BCAR3: variants seen among roughly 807,000 people sequenced by gnomAD.
The protein encoded by BCAR3 is breast cancer anti-estrogen resistance protein 3.
BCAR3 carries 37 observed loss-of-function variants against 80.1 expected under a neutral mutation model. The observed-to-expected ratio is 0.46, with a 90% CI of 0.36 to 0.61. BCAR3 has a LOEUF of 0.61. BCAR3 is among the 20% of genes least tolerant of loss of function. The probability of loss-of-function intolerance (pLI) is 0.00; values close to 1 mark genes in which losing one functional copy is unlikely to be tolerated. For missense variants in BCAR3, 978 were observed against 1,068.2 expected, an observed-to-expected ratio of 0.92 and a Z score of 1.18; for synonymous variants, 389 against 418.9, an observed-to-expected ratio of 0.93 and a Z score of 0.87.
intron 2 of BCAR3, among the ~76,000 whole-genome samples, chr1:93,782,345 G>C (rs902032239): frequency 2.0e-5 from 3 of 152,198 alleles, no homozygotes; most frequent in Non-Finnish European, 2.9e-5. Context: ...TAGCCCTAGA[G>C]GAGAATACCC....
intron 3 of BCAR3, among the ~76,000 whole-genome samples, chr1:93,696,422 A>G (rs947710973): frequency 1.3e-5 from 2 of 151,812 alleles, no homozygotes; most frequent in African/African-American, 4.8e-5. Flanking sequence ...CACACAGCCA[A>G]TCTCTCACCA....
chr1:93,744,452 G>T (rs146830207), intron 2 of BCAR3, among the ~76,000 whole-genome samples: 1 of 152,300 alleles, frequency 6.6e-6, no homozygotes, highest in African/African-American at 2.4e-5. Context: ...CAACAAATGA[G>T]TACAAGAGAG....
At position 93,699,029 on chromosome 1, in the gene BCAR3, G is replaced by A. The variant is rs147637486; in HGVS notation, c.-12+7063C>T. 7.3e-4 allele frequency among the ~76,000 whole-genome samples: 111 copies of A among 152,290 alleles called. No homozygotes were observed. In the South Asian group the frequency reaches 9.1e-3, roughly 13 times the overall value. ...GGCATAGACAGGGAGGGGATGCAGC[G>A]CAGGGGACCTAGCTTTTCTGAACCC... On this transcript the variant is annotated intron_variant, in intron 3 of 13. Coordinates refer to the BCAR3 transcript ENST00000370244.
At chr1:93,734,836 C>T (rs75736484) in intron 2 of BCAR3, among the ~76,000 whole-genome samples, 1,615 of 152,202 alleles carry the variant, frequency 0.011, 32 homozygotes, top group African/African-American at 0.037. Flanking sequence ...GCTTTCTGTG[C>T]GAAACGCTTT....
At chr1:93,730,793 C>G (rs58410484) in intron 2 of BCAR3, among the ~76,000 whole-genome samples, 6 of 152,128 alleles carry the variant, frequency 3.9e-5, no homozygotes, top group Admixed American at 3.9e-4. Flanking sequence ...CTCCCTCATC[C>G]GGAAGGTGGA....
chr1:93,580,824 T>C (rs907310873), intron 7 of BCAR3, among the ~76,000 whole-genome samples: 3 of 152,180 alleles, frequency 2.0e-5, no homozygotes, highest in African/African-American at 4.8e-5. Context: ...GGACCACCTA[T>C]GAACAAAAGT....
chr1:93,736,788 G>A (rs1407920894), intron 2 of BCAR3, among the ~76,000 whole-genome samples: 1 of 152,152 alleles, frequency 6.6e-6, no homozygotes, highest in Non-Finnish European at 1.5e-5. Flanking sequence ...GGAAAAGTAG[G>A]CAAAATGAGC....
intron 2 of BCAR3, among the ~76,000 whole-genome samples, chr1:93,728,547 A>T (rs181143711): frequency 6.6e-6 from 1 of 152,126 alleles, no homozygotes; most frequent in Non-Finnish European, 1.5e-5. Context: ...AATGAGTGCA[A>T]GGTTTTATTG....
At chr1:93,730,578 C>T (rs1437624132) in intron 2 of BCAR3, among the ~76,000 whole-genome samples, 1 of 152,192 alleles carries the variant, frequency 6.6e-6, no homozygotes, top group Non-Finnish European at 1.5e-5. Flanking sequence ...ATATCCAAAT[C>T]GCTTTCCCTC....
intron 3 of BCAR3, among the ~76,000 whole-genome samples, chr1:93,625,159 CA>C (rs1675420335): frequency 6.6e-6 from 1 of 152,142 alleles, no homozygotes; most frequent in African/African-American, 2.4e-5. Flanking sequence ...TGCAATGAGC[CA>C]AGATTGCACC....
intron 3 of BCAR3, among the ~76,000 whole-genome samples, chr1:93,640,022 C>T (rs1675929324): frequency 6.6e-6 from 1 of 152,078 alleles, no homozygotes; most frequent in Non-Finnish European, 1.5e-5. Context: ...CAACATAATT[C>T]ACATAGAACT....
At chr1:93,760,355 G>A (rs1651893108) in intron 2 of BCAR3, among the ~76,000 whole-genome samples, 1 of 152,064 alleles carries the variant, frequency 6.6e-6, no homozygotes, top group South Asian at 2.1e-4. Flanking sequence ...CAGCTTATAA[G>A]GCGATAAAGG....
intron 1 of BCAR3, among the ~76,000 whole-genome samples, chr1:93,846,094 T>C (rs1655165903): frequency 6.6e-6 from 1 of 152,140 alleles, no homozygotes; most frequent in Non-Finnish European, 1.5e-5. Context: ...TTCTTTATAT[T>C]ATAAAGGGGA....
chr1:93,705,508 T>C (rs1286526252), intron 3 of BCAR3, among the ~76,000 whole-genome samples: 1 of 152,164 alleles, frequency 6.6e-6, no homozygotes, highest in Non-Finnish European at 1.5e-5. Context: ...ATGCCAATTG[T>C]TTGTTTAGAA....
intron 2 of BCAR3, among the ~76,000 whole-genome samples, chr1:93,831,868 T>C (rs1465958584): frequency 6.6e-6 from 1 of 152,214 alleles, no homozygotes. Flanking sequence ...AAGAGGTGGC[T>C]GGAGCTGAAG....
intron 3 of BCAR3, among the ~76,000 whole-genome samples, chr1:93,701,515 T>C (rs916095631): frequency 2.0e-5 from 3 of 152,196 alleles, no homozygotes; most frequent in East Asian, 1.9e-4. Flanking sequence ...CATATTATTA[T>C]TTTGAAAAAG....
At chr1:93,686,111 G>A (rs983185192), upstream of BCAR3, among the ~76,000 whole-genome samples, 6 of 152,156 alleles carry the variant, frequency 3.9e-5, no homozygotes, top group Non-Finnish European at 7.3e-5. Context: ...GAATGAATTA[G>A]AGAAGTGAGA....
chr1:93,666,079 T>C (rs1647898227), intron 2 of BCAR3, among the ~76,000 whole-genome samples: 1 of 152,170 alleles, frequency 6.6e-6, no homozygotes, highest in Non-Finnish European at 1.5e-5. Flanking sequence ...CATCCTCTTC[T>C]CCATCAATCC....
intron 2 of BCAR3, among the ~76,000 whole-genome samples, chr1:93,660,999 C>T (rs1647623061): frequency 6.6e-6 from 1 of 152,182 alleles, no homozygotes; most frequent in Non-Finnish European, 1.5e-5. Context: ...GCCTCAGCCT[C>T]CCAAATAGCT....
Sources: gnomAD v4.1 joint callset for allele counts (sites outside exome capture counted in the v4.1 genomes callset) on GRCh38, gnomAD v4.1.1 for gene constraint, MANE v1.5 for transcripts, NCBI Gene and HGNC (gene_info 2026-07-23, HGNC 2026-07-21) for gene names.